Variants in AVEN observed in about 807,000 individuals in gnomAD.
AVEN encodes apoptosis and caspase activation inhibitor.
In AVEN, 41 loss-of-function variants were observed where a neutral mutation model predicts 38.1. That is an observed-to-expected ratio of 1.08 (90% CI 0.84 to 1.40). The LOEUF is 1.40. AVEN is among the 40% of genes most tolerant of loss of function. The pLI, the probability that AVEN is intolerant of heterozygous loss-of-function variation, is 0.00. For synonymous variants in AVEN, 206 were observed against 171.8 expected, an observed-to-expected ratio of 1.20 and a Z score of -1.56; for missense variants, 605 against 438.8, an observed-to-expected ratio of 1.38 and a Z score of -3.38.
chr15:33,854,567 C>A (rs1204904570), downstream of AVEN: 1 of 1,047,866 alleles, frequency 9.5e-7, no homozygotes, highest in Non-Finnish European at 1.4e-6. Context: ...GACCAAGAGC[C>A]TTATACGTGC....
In AVEN at chr15:34,045,702, A is replaced by G. The variant is rs1016500669; in HGVS notation, n.1637+17220T>C. Among the ~76,000 whole-genome samples the G allele has an allele frequency of 9.2e-5, 13 of 141,424 alleles. No individual in the cohort carries two copies. The South Asian group carries it at 1.4e-3, about 15-fold the overall frequency. 92.8% of individuals were successfully genotyped at this position (141,424 alleles called of 152,430 possible). ...CAGGTTCAGGCATAAAGCTTCTCAT[A>G]AAAAAAAAAAGGTGTTTCAGAAAAC... is the stretch of plus-strand genomic sequence containing the variant. On this transcript the variant is annotated intron_variant and non_coding_transcript_variant, in intron 5 of 11. Transcript: ENST00000675287.
intron 1 of AVEN, 81 bp downstream of exon 1, chr15:34,038,699 C>G: frequency 9.1e-7 from 1 of 1,097,060 alleles, no homozygotes; most frequent in Non-Finnish European, 1.1e-6. Flanking sequence ...GGCACGCTCT[C>G]TTGCGGCTCT....
chr15:33,970,167 G>C (rs1323395150), intron 2 of AVEN, among the ~76,000 whole-genome samples: 3 of 151,938 alleles, frequency 2.0e-5, no homozygotes, highest in Non-Finnish European at 2.9e-5. Context: ...GTTATCAGAA[G>C]TAAGTATTCA....
chr15:33,855,453 C>A (rs532143627), downstream of AVEN, among the ~76,000 whole-genome samples: 1 of 152,352 alleles, frequency 6.6e-6, no homozygotes, highest in African/African-American at 2.4e-5. Flanking sequence ...ATCCACCCGC[C>A]TCGGCCTCCC....
chr15:34,010,111 C>T (rs756642470), intron 1 of AVEN, among the ~76,000 whole-genome samples: 1 of 152,046 alleles, frequency 6.6e-6, no homozygotes, highest in Non-Finnish European at 1.5e-5. Context: ...AAGCCCCTAC[C>T]TTTAATATGG....
intron 2 of AVEN, among the ~76,000 whole-genome samples, chr15:33,988,693 C>G (rs1399667183): frequency 1.3e-5 from 2 of 152,116 alleles, no homozygotes; most frequent in African/African-American, 2.4e-5. Flanking sequence ...ACTTAACACA[C>G]AAGTAAAACA....
chr15:34,030,896 G>T (rs1478705334), intron 1 of AVEN, among the ~76,000 whole-genome samples: 3 of 152,034 alleles, frequency 2.0e-5, no homozygotes, highest in Non-Finnish European at 4.4e-5. Context: ...GGGATTACAG[G>T]TATGAGCCAC....
chr15:33,968,795 G>A (rs569182928), intron 2 of AVEN: 5 of 152,152 alleles, frequency 3.3e-5, no homozygotes, highest in African/African-American at 1.2e-4. Flanking sequence ...AACTTTTCCA[G>A]GGGGTCAAAT....
intron 2 of AVEN, among the ~76,000 whole-genome samples, chr15:33,930,411 C>T (rs1893797884): frequency 6.6e-6 from 1 of 151,594 alleles, no homozygotes; most frequent in Admixed American, 6.6e-5. Flanking sequence ...TCAGTTTAAG[C>T]CAAGTAAACA....
downstream of AVEN, chr15:33,854,715 A>G (rs2079464173): frequency 6.4e-7 from 1 of 1,554,438 alleles, no homozygotes; most frequent in Admixed American, 2.1e-5. Flanking sequence ...TTTTATAATG[A>G]GCACACTATG....
intron 2 of AVEN, among the ~76,000 whole-genome samples, chr15:33,943,544 T>C (rs968053134): frequency 6.6e-6 from 1 of 152,308 alleles, no homozygotes; most frequent in Admixed American, 6.5e-5. Flanking sequence ...AACTGTACAA[T>C]TAAAAATTGT....
intron 3 of AVEN, among the ~76,000 whole-genome samples, chr15:33,875,413 C>G (rs1891177057): frequency 6.6e-6 from 1 of 152,116 alleles, no homozygotes; most frequent in African/African-American, 2.4e-5. Context: ...ATTACATACA[C>G]ACAAAGAAAA....
At chr15:33,864,506 C>T (rs1889754470), downstream of AVEN, among the ~76,000 whole-genome samples, 1 of 152,090 alleles carries the variant, frequency 6.6e-6, no homozygotes, top group Admixed American at 6.6e-5. Flanking sequence ...CAACAAAGAG[C>T]AGAAAAATCA....
chr15:34,051,255 A>C (rs1597388718), intron 5 of AVEN, among the ~76,000 whole-genome samples: 1 of 152,028 alleles, frequency 6.6e-6, no homozygotes, highest in Admixed American at 6.6e-5. Context: ...TCCTGGGCAA[A>C]TAATGAAATT....
At chr15:33,961,150 A>C (rs1000414177) in intron 2 of AVEN, among the ~76,000 whole-genome samples, 2 of 152,006 alleles carry the variant, frequency 1.3e-5, no homozygotes, top group Non-Finnish European at 2.9e-5. Context: ...ACAGGTACAC[A>C]CCATCATGCC....
chr15:33,961,808 G>A (rs1423686270), intron 2 of AVEN, among the ~76,000 whole-genome samples: 1 of 59,484 alleles, frequency 1.7e-5, no homozygotes, highest in East Asian at 5.2e-4. Context: ...GTGAGACTCT[G>A]TCTCAAAAAA....
chr15:33,918,841 T>C (rs1181606021), intron 2 of AVEN, among the ~76,000 whole-genome samples: 19 of 152,078 alleles, frequency 1.2e-4, no homozygotes, highest in Admixed American at 1.2e-3. Context: ...GTGAAGGAAA[T>C]TAATCTACCT....
At chr15:33,952,193 T>C (rs1894777701) in intron 2 of AVEN, among the ~76,000 whole-genome samples, 2 of 152,184 alleles carry the variant, frequency 1.3e-5, no homozygotes, top group Non-Finnish European at 2.9e-5. Flanking sequence ...GGAAATGATA[T>C]TATCTTCAAT....
At chr15:33,855,920 C>G (rs1031541339), downstream of AVEN, 4 of 152,154 alleles carry the variant, frequency 2.6e-5, no homozygotes, top group African/African-American at 7.2e-5. Flanking sequence ...TCATTAAGTA[C>G]AAGTCTGTGT....
Sources: allele counts gnomAD v4.1 joint callset (sites outside exome capture counted in the v4.1 genomes callset), GRCh38; gene constraint gnomAD v4.1.1; transcripts MANE v1.5; gene names NCBI Gene and HGNC (gene_info 2026-07-23, HGNC 2026-07-21).